TTLL8: variants seen among roughly 807,000 people sequenced by gnomAD.
The protein encoded by TTLL8 is protein monoglycylase TTLL8.
Under a neutral mutation model 77.8 loss-of-function variants are expected in TTLL8, and 65 were observed. That is an observed-to-expected ratio of 0.84 (90% CI 0.68 to 1.03). TTLL8 has a LOEUF of 1.03. Among genes scored for constraint, TTLL8 ranks in the 50% least tolerant of loss-of-function variants. The pLI is 0.00. For synonymous variants in TTLL8, 402 were observed against 422.8 expected (o/e 0.95, Z 0.60); for missense variants, 910 against 1,004.5 (o/e 0.91, Z 1.27).
intron 8 of TTLL8, among the ~76,000 whole-genome samples, chr22:50,036,313 T>C (rs897478376): frequency 5.3e-5 from 8 of 152,224 alleles, no homozygotes; most frequent in African/African-American, 1.9e-4. Flanking sequence ...GATCCGATGC[T>C]GCCACTGGTG....
chr22:50,041,696 G>GT lies in TTLL8; in HGVS notation c.754dup (p.Thr252AsnfsTer11), dbSNP rs1448191898. ...GAGGTCCTCCACGGCATCTGCTGAC[G>GT]TGTCGATGTCCTCATGCTCCAGCTG... On this transcript the variant is annotated frameshift_variant, in exon 7 of 14. Coordinates refer to ENST00000266182, the Ensembl canonical transcript of TTLL8. LOFTEE classifies it high-confidence loss of function. This position sits in a 1 kb window ranked among gnomAD's most constrained non-coding sequence, Gnocchi z 4.3. 1.3e-5 allele frequency: 18 copies of GT among 1,366,920 alleles called. No individual in the cohort carries two copies. Among genetic ancestry groups the GT allele is most frequent in the Non-Finnish European group, 1.8e-5 (18 of 1,021,638 alleles). The allele number at this position is 1,366,920 out of a possible 1,614,324, so 84.7% of individuals were successfully genotyped here.
At chr22:50,032,152 C>A in intron 10 of TTLL8, 43 bp from the exon 12 acceptor site, 1 of 1,314,086 alleles carries the variant, frequency 7.6e-7, no homozygotes. Flanking sequence ...TCCCTTGGCC[C>A]AGGAGGGCAC....
At chr22:50,045,948 C>T (rs750886844) in exon 5 of TTLL8, 34 of 1,358,212 alleles carry the variant, frequency 2.5e-5, no homozygotes, top group East Asian at 4.6e-5. Context: ...GGGCAGGCTC[C>T]GCATGTTCAC....
intron 9 of TTLL8, among the ~76,000 whole-genome samples, chr22:50,033,754 G>A (rs2061315996): frequency 1.3e-5 from 2 of 152,356 alleles, no homozygotes; most frequent in Admixed American, 6.5e-5. Flanking sequence ...GAGCCAGGAG[G>A]ATGGGCATGG....
At chr22:50,056,687 C>T (rs2061472501), upstream of TTLL8, 1 of 930,178 alleles carries the variant, frequency 1.1e-6, no homozygotes, top group Non-Finnish European at 1.3e-6. This position sits in a 1 kb window ranked among gnomAD's most constrained non-coding sequence, Gnocchi z 4.1. Context: ...AGCCAGCGCC[C>T]CCCAACACCC....
intron 5 of TTLL8, 64 bp downstream of exon 7, chr22:50,045,792 G>T: frequency 1.6e-6 from 2 of 1,282,652 alleles, no homozygotes; most frequent in Non-Finnish European, 2.0e-6. Flanking sequence ...CTCAGCACCA[G>T]GGGGATCTTT....
At chr22:50,050,570 T>G (rs2061438861) in intron 1 of TTLL8, among the ~76,000 whole-genome samples, 1 of 152,000 alleles carries the variant, frequency 6.6e-6, no homozygotes, top group African/African-American at 2.4e-5. Flanking sequence ...CTCCCCCACC[T>G]TGCCTAGTTC....
upstream of TTLL8, among the ~76,000 whole-genome samples, chr22:50,056,023 AGAT>A (rs1428340676): frequency 2.0e-5 from 3 of 152,220 alleles, no homozygotes; most frequent in Admixed American, 2.0e-4. This position sits in a 1 kb window ranked among gnomAD's most constrained non-coding sequence, Gnocchi z 4.1. Flanking sequence ...ACCAAAACCA[AGAT>A]GATGATGAGA....
At chr22:50,051,221 C>A (rs1187289885) in intron 1 of TTLL8, among the ~76,000 whole-genome samples, 1 of 152,252 alleles carries the variant, frequency 6.6e-6, no homozygotes, top group African/African-American at 2.4e-5. Context: ...TCTCCAAACT[C>A]TATCTTATCA....
At chr22:50,040,886 G>A (rs2061366175) in intron 8 of TTLL8, among the ~76,000 whole-genome samples, 1 of 152,156 alleles carries the variant, frequency 6.6e-6, no homozygotes, top group Non-Finnish European at 1.5e-5. Flanking sequence ...CGCTGTCAAG[G>A]GAGTGCTGAA....
chr22:50,022,824 G>T (rs2061212692), intron 12 of TTLL8, among the ~76,000 whole-genome samples: 1 of 152,258 alleles, frequency 6.6e-6, no homozygotes, highest in Non-Finnish European at 1.5e-5. Flanking sequence ...ATGTGACTTT[G>T]TCGAAAACCC....
At chr22:50,031,743 G>C in exon 11 of TTLL8, 1 of 1,355,256 alleles carries the variant, frequency 7.4e-7, no homozygotes, top group Non-Finnish European at 9.9e-7. Context: ...CGGCCACCTT[G>C]ATGGTGTCCT....
Position 50,050,094 on chromosome 22 carries a change from C to A in TTLL8, c.190+15G>T. 1 of 1,365,596 alleles carries A rather than the reference C, an allele frequency of 7.3e-7. No individual in the cohort carries two copies. The highest frequency in any genetic ancestry group is 1.1e-5 in the South Asian group (1 of 87,588). The allele number at this position is 1,365,596 out of a possible 1,614,324, so 84.6% of individuals were successfully genotyped here. ...CACACGCCCTGAGCTGAGACGTGCGCCTCCGATACGCTACCATTGACCCGG... is the reference window on the plus strand; with the variant it reads ...CACACGCCCTGAGCTGAGACGTGCGACTCCGATACGCTACCATTGACCCGG... On this transcript the variant is annotated intron_variant, in intron 2 of 13. Transcript: ENST00000266182.
intron 2 of TTLL8, 55 bp from the exon 5 acceptor site, chr22:50,049,377 C>T (rs1224999647): frequency 1.5e-6 from 2 of 1,364,136 alleles, no homozygotes; most frequent in Non-Finnish European, 2.0e-6. Context: ...AGACTTCCCG[C>T]ACCGGGTCCG....
chr22:50,051,329 C>T (rs1485859057), intron 1 of TTLL8, among the ~76,000 whole-genome samples: 1 of 152,224 alleles, frequency 6.6e-6, no homozygotes, highest in African/African-American at 2.4e-5. Context: ...GAAGAATGGC[C>T]TTCAGCTCCA....
intron 1 of TTLL8, among the ~76,000 whole-genome samples, chr22:50,053,764 T>C (rs973460108): frequency 6.6e-6 from 1 of 152,020 alleles, no homozygotes; most frequent in Non-Finnish European, 1.5e-5. Flanking sequence ...CTCCTGAGGG[T>C]GATGAAATGG....
At chr22:50,036,887 C>T (rs2010453) in intron 8 of TTLL8, among the ~76,000 whole-genome samples, 36,740 of 152,106 alleles carry the variant, frequency 0.24, 4,977 homozygotes, top group East Asian at 0.39. Flanking sequence ...TGTGAGCCGC[C>T]GCGCCCAGCC....
Position 50,027,758 on chromosome 22 carries a change from C to A in TTLL8, c.2203+2672G>T, listed in dbSNP as rs908425662. ...GTGCGGTTGCCTGACTGTCACGGAA[C>A]AAACACACACCAGGCGAGCACTAGC... On this transcript the variant is annotated intron_variant, in intron 12 of 13. Transcript: ENST00000266182. The A allele has an allele frequency of 5.6e-5, 55 of 985,458 alleles. No homozygotes were observed. In the African/African-American group the frequency reaches 9.2e-4, roughly 17 times the overall value. 61.0% of individuals were successfully genotyped at this position (985,458 alleles called of 1,614,324 possible). A position where few individuals can be genotyped will look rare whatever the true frequency, so the allele number is the denominator to read the frequency against.
chr22:50,032,222 C>T, intron 10 of TTLL8, 113 bp from the exon 12 acceptor site: 1 of 1,121,184 alleles, frequency 8.9e-7, no homozygotes, highest in Non-Finnish European at 1.2e-6. Flanking sequence ...GAACCCTGCC[C>T]CTGAGGACTC....
Sources: allele counts gnomAD v4.1 joint callset (sites outside exome capture counted in the v4.1 genomes callset), GRCh38; gene constraint gnomAD v4.1.1; non-coding constraint Gnocchi (gnomAD v3.1); transcripts MANE v1.5; gene names NCBI Gene and HGNC (gene_info 2026-07-23, HGNC 2026-07-21).